Variants in CCNP observed in about 807,000 individuals in gnomAD.
The protein encoded by CCNP is cyclin P.
A neutral mutation model predicts 19.6 loss-of-function variants in CCNP; 18 were observed. The ratio of observed to expected loss-of-function variants is 0.92; its 90% CI spans 0.64 to 1.36. The LOEUF is 1.36. Among genes scored for constraint, CCNP ranks in the 40% most tolerant of loss-of-function variants. The pLI is 0.00. For missense variants in CCNP, 440 were observed against 424.4 expected (o/e 1.04, Z -0.32); for synonymous variants, 228 against 194.9 (o/e 1.17, Z -1.41).
rs1973463669 is a variant in CCNP at position 40,222,625 on chromosome 19, C to T, written c.*427G>A. ...TGAGATCGGGCACGCGTCCCGTCTTCAACTGGAGTGACTAGGCGAGCACCG... is the reference window on the plus strand; with the variant it reads ...TGAGATCGGGCACGCGTCCCGTCTTTAACTGGAGTGACTAGGCGAGCACCG... On this transcript the variant is annotated 3_prime_UTR_variant, in exon 5 of 5. Transcript: ENST00000430325. The T allele has an allele frequency of 7.5e-6, 3 of 397,818 alleles. No homozygotes were observed. The highest frequency in any genetic ancestry group is 1.3e-5 in the Non-Finnish European group (3 of 226,084). 24.6% of individuals were successfully genotyped at this position (397,818 alleles called of 1,614,324 possible).
At chr19:40,226,217 GAAAAC>G (rs1348650634) in intron 1 of CCNP, among the ~76,000 whole-genome samples, 153 bp downstream of exon 1, 1 of 152,258 alleles carries the variant, frequency 6.6e-6, no homozygotes, top group Non-Finnish European at 1.5e-5. Flanking sequence ...GGCGCTGTGT[GAAAAC>G]AAAACAAAAG....
Position 40,226,658 on chromosome 19 carries a change from G to A in CCNP, c.-17C>T, listed in dbSNP as rs981046440. ...CACCAGCATCCTCCAGGAGGGTGTTGCGGGCGAGGCCAAGCACCGACCCTT... is the reference window on the plus strand; with the variant it reads ...CACCAGCATCCTCCAGGAGGGTGTTACGGGCGAGGCCAAGCACCGACCCTT... On this transcript the variant is annotated 5_prime_UTR_variant, in exon 1 of 5. Transcript: ENST00000430325. 12 of 1,548,136 alleles carry A rather than the reference G, an allele frequency of 7.8e-6. 1 individual carries two copies. The South Asian group carries it at 1.5e-4, about 19-fold the overall frequency.
chr19:40,225,591 A>C (rs1375096497), intron 1 of CCNP, among the ~76,000 whole-genome samples: 1 of 152,080 alleles, frequency 6.6e-6, no homozygotes, highest in Non-Finnish European at 1.5e-5. Flanking sequence ...TTTAGCTCCT[A>C]GACTATACCA....
chr19:40,225,562 C>A (rs1973527434), intron 1 of CCNP, among the ~76,000 whole-genome samples: 1 of 152,254 alleles, frequency 6.6e-6, no homozygotes, highest in African/African-American at 2.4e-5. Flanking sequence ...ACCCATGCGT[C>A]AGCCACAGCT....
intron 1 of CCNP, among the ~76,000 whole-genome samples, chr19:40,225,320 A>G (rs1973524767): frequency 6.6e-6 from 1 of 151,860 alleles, no homozygotes; most frequent in South Asian, 2.1e-4. Context: ...CAGCCTCCCA[A>G]AGTGCTGGGA....
At position 40,222,332 on chromosome 19, in the gene CCNP, C is replaced by T. The variant is rs755568747; in HGVS notation, c.*720G>A. 1 of 399,002 alleles carries T rather than the reference C, an allele frequency of 2.5e-6. No individual in the cohort carries two copies. Among genetic ancestry groups the T allele is most frequent in the Admixed American group, 4.4e-5 (1 of 22,726 alleles). 24.7% of individuals were successfully genotyped at this position (399,002 alleles called of 1,614,324 possible). A position where few individuals can be genotyped will look rare whatever the true frequency, so the allele number is the denominator to read the frequency against. On this transcript the variant is annotated 3_prime_UTR_variant, in exon 5 of 5. Coordinates refer to ENST00000430325, the MANE Select transcript of CCNP (RefSeq NM_024877.4). ...TCAGGGAGGCTCAGACTGGAGGCGG[C>T]GGAGCAGGCAGGCGGCGGCAAGGCT...
At chr19:40,223,764 T>C (rs936218185) in intron 3 of CCNP, 7 of 635,492 alleles carry the variant, frequency 1.1e-5, no homozygotes, top group South Asian at 2.0e-5. Context: ...CTGTGTGACA[T>C]AGGACATTCA....
chr19:40,226,405 C>T lies in CCNP; in HGVS notation c.237G>A (p.Glu79=), dbSNP rs780192652. Residue 79 remains glutamate, a synonymous_variant, in exon 1 of 5, where the codon GAG becomes GAA. Coordinates refer to ENST00000430325, the MANE Select transcript of CCNP (RefSeq NM_024877.4). The part of the protein sequence containing the change: ...LSALGLQGER[E]YAGDIFAEVM... ...CTTCGGCGAAGATGTCCCCGGCGTA[C>T]TCGCGTTCTCCCTGCAGCCCCAGCG... 1.2e-6 allele frequency: 2 copies of T among 1,607,834 alleles called. No homozygotes were observed. Among genetic ancestry groups the T allele is most frequent in the Non-Finnish European group, 1.7e-6 (2 of 1,179,736 alleles).
At position 40,222,718 on chromosome 19, in the gene CCNP, C is replaced by A. The variant is rs1973465357; in HGVS notation, c.*334G>T. The A allele has an allele frequency of 4.9e-6, 2 of 406,618 alleles. No individual in the cohort carries two copies. Among genetic ancestry groups the A allele is most frequent in the Non-Finnish European group, 8.6e-6 (2 of 231,664 alleles). The allele number at this position is 406,618 out of a possible 1,614,324, so 25.2% of individuals were successfully genotyped here. A position where few individuals can be genotyped will look rare whatever the true frequency, so the allele number is the denominator to read the frequency against. On this transcript the variant is annotated 3_prime_UTR_variant, in exon 5 of 5. Transcript: ENST00000430325. The stretch of plus-strand genomic sequence containing the variant: ...TGCGGAGTCAGAACACTCGAGGAAG[C>A]AAGGAGGGGAGCTGAGGATGGGCAG...
At position 40,224,776 on chromosome 19, in the gene CCNP, G is replaced by A. The variant is rs745908551; in HGVS notation, c.303C>T (p.Arg101=). 1.6e-4 allele frequency: 246 copies of A among 1,556,504 alleles called. 1 individual carries two copies. The highest frequency in any genetic ancestry group is 2.1e-4 in the Non-Finnish European group (243 of 1,149,932). ...GGGCGCGCATCTCCGGGGTCACAGC[G>A]CGGGGCAGGGCTCTCAGGGGCAGCA... ...CRVLPLRALP[R]AVTPEMRALV... Residue 101 remains arginine, a synonymous_variant, in exon 2 of 5, where the codon CGC becomes CGT. Coordinates refer to ENST00000430325, the MANE Select transcript of CCNP (RefSeq NM_024877.4).
chr19:40,223,973 T>C (rs541738948), intron 3 of CCNP, among the ~76,000 whole-genome samples: 2 of 115,774 alleles, frequency 1.7e-5, no homozygotes, highest in African/African-American at 9.2e-5. Context: ...ATTTGTTTTG[T>C]TTTTTTTTGT....
rs1325883795 is a variant in CCNP at position 40,224,755 on chromosome 19, G to T, written c.324C>A (p.Arg108=). The T allele has an allele frequency of 1.3e-6, 2 of 1,566,112 alleles. No homozygotes were observed. The highest frequency in any genetic ancestry group is 1.7e-6 in the Non-Finnish European group (2 of 1,155,760). The stretch of plus-strand genomic sequence containing the variant: ...GGACCAGCCAGTCTACCACCAGGGC[G>T]CGCATCTCCGGGGTCACAGCGCGGG... The part of the protein sequence containing the change: ...ALPRAVTPEM[R]ALVVDWLVQV... Residue 108 remains arginine, a synonymous_variant, in exon 2 of 5, where the codon CGC becomes CGA. Transcript: ENST00000430325.
In CCNP at chr19:40,223,062, T is replaced by C; in HGVS notation, c.914A>G (p.Asp305Gly). The change falls in exon 5 of 5, where the codon GAC becomes GGC. Residue 305 changes from aspartate to glycine, a missense_variant. By Grantham distance (94) the Asp-to-Gly change is moderately conservative (BLOSUM62 -1). Coordinates refer to ENST00000430325, the MANE Select transcript of CCNP (RefSeq NM_024877.4). Reference sequence around the variant, plus strand: ...GGTGCCACCTCCTCCTCAATAATTGTCTCTCATTCTCCGAGACCGTAAAAA... The same window carrying C: ...GGTGCCACCTCCTCCTCAATAATTGCCTCTCATTCTCCGAGACCGTAAAAA... ...WSFLRSRRMR[D>G]NY The C allele has an allele frequency of 1.3e-6, 2 of 1,528,806 alleles. No homozygotes were observed. Among genetic ancestry groups the C allele is most frequent in the Non-Finnish European group, 1.8e-6 (2 of 1,129,692 alleles). 94.7% of individuals were successfully genotyped at this position (1,528,806 alleles called of 1,614,324 possible).
At chr19:40,223,571 G>T in intron 3 of CCNP, 25 bp from the exon 4 acceptor site, 1 of 1,599,064 alleles carries the variant, frequency 6.3e-7, no homozygotes, top group East Asian at 2.2e-5. Flanking sequence ...TGCGGGGGGA[G>T]GTGAAGGAGT....
intron 3 of CCNP, 120 bp downstream of exon 3, chr19:40,224,368 C>T: frequency 9.2e-7 from 1 of 1,083,774 alleles, no homozygotes; most frequent in Non-Finnish European, 1.4e-6. Flanking sequence ...CATTGACAGC[C>T]CCTCCCTCAT....
intron 1 of CCNP, chr19:40,225,073 T>G: frequency 1.9e-6 from 1 of 520,120 alleles, no homozygotes; most frequent in Non-Finnish European, 3.4e-6. Context: ...TTTTTTTTTT[T>G]TTTTTTGAGA....
In CCNP at chr19:40,223,140, C is replaced by T; in HGVS notation, c.836G>A (p.Gly279Asp). 2.6e-6 allele frequency: 4 copies of T among 1,551,644 alleles called. No homozygotes were observed. Among genetic ancestry groups the T allele is most frequent in the Non-Finnish European group, 3.5e-6 (4 of 1,146,966 alleles). The change falls in exon 5 of 5, where the codon GGC becomes GAC. Residue 279 changes from glycine to aspartate, a missense_variant. Physicochemically the swap from Gly to Asp is moderately conservative, Grantham distance 94. Transcript: ENST00000430325. ...GCGGTGACCCCATACACTTCCTCCGCCAAGACTACACCTGTAAAGTTCTGG... is the reference window on the plus strand; with the variant it reads ...GCGGTGACCCCATACACTTCCTCCGTCAAGACTACACCTGTAAAGTTCTGG... ...LQPELYRCSLGGGSVWGHRSF... is the reference protein window; with the variant it reads ...LQPELYRCSLDGGSVWGHRSF...
rs1158939069 is a variant in CCNP at position 40,224,930 on chromosome 19, C to G, written c.268-119G>C. The G allele has an allele frequency of 5.9e-6, 5 of 849,056 alleles. No individual in the cohort carries two copies. In the African/African-American group the frequency reaches 8.5e-5, roughly 15 times the overall value. 52.6% of individuals were successfully genotyped at this position (849,056 alleles called of 1,614,324 possible). The stretch of plus-strand genomic sequence containing the variant: ...GTTGGACATCTTAGGCATGCCACAC[C>G]CAAACTGGCCTCCAAATGAGCTCCT... On this transcript the variant is annotated intron_variant, in intron 1 of 4. Coordinates refer to ENST00000430325, the MANE Select transcript of CCNP (RefSeq NM_024877.4).
In CCNP at chr19:40,222,874, G is replaced by A. The variant is rs1599926231; in HGVS notation, c.*178C>T. 3 of 531,284 alleles carry A rather than the reference G, an allele frequency of 5.6e-6. 1 individual carries two copies. Among genetic ancestry groups the A allele is most frequent in the Non-Finnish European group, 1.0e-5 (3 of 297,216 alleles). The allele number at this position is 531,284 out of a possible 1,614,324, so 32.9% of individuals were successfully genotyped here. A position where few individuals can be genotyped will look rare whatever the true frequency, so the allele number is the denominator to read the frequency against. ...CACCAGATACAGAGATGGAGGACTC[G>A]AGGCCTGGGTGATCCTTCGTTCTCA... On this transcript the variant is annotated 3_prime_UTR_variant, in exon 5 of 5. Transcript: ENST00000430325.
Sources: gnomAD v4.1 joint callset for allele counts (sites outside exome capture counted in the v4.1 genomes callset) on GRCh38, gnomAD v4.1.1 for gene constraint, MANE v1.5 for transcripts, NCBI Gene and HGNC (gene_info 2026-07-23, HGNC 2026-07-21) for gene names.